The following DYNC2H1 variants were observed in gnomAD, a reference collection of about 807,000 sequenced individuals.
DYNC2H1 encodes the protein cytoplasmic dynein 2 heavy chain 1.
In DYNC2H1, 410 loss-of-function variants were observed where a neutral mutation model predicts 570.0. The observed-to-expected ratio is 0.72, with a 90% CI of 0.66 to 0.78. The LOEUF is 0.78. Ranked by LOEUF, DYNC2H1 falls within the 30% of genes least tolerant of loss-of-function variation. The pLI is 0.00. For missense variants in DYNC2H1, 4,865 were observed against 5,046.4 expected, an observed-to-expected ratio of 0.96 and a Z score of 1.09; for synonymous variants, 1,688 against 1,677.6, an observed-to-expected ratio of 1.01 and a Z score of -0.15.
chr11:103,253,270 G>GTT lies in DYNC2H1; in HGVS notation c.10043-8_10043-7dup. 6.3e-7 allele frequency: 1 copy of GTT among 1,584,660 alleles called. No individual in the cohort carries two copies. On this transcript the variant is annotated splice_polypyrimidine_tract_variant and intron_variant, in intron 65 of 88. Coordinates refer to ENST00000375735, the MANE Select transcript of DYNC2H1 (RefSeq NM_001377.3). ...GAAGATTCAGACCAACCAATTGTGT[G>GTT]TTTTTTTTAAATAGGACCACGTTAT...
At chr11:103,167,369 G>T (rs1480606272) in intron 31 of DYNC2H1, among the ~76,000 whole-genome samples, 1 of 151,792 alleles carries the variant, frequency 6.6e-6, no homozygotes, top group Non-Finnish European at 1.5e-5. Context: ...CTGAGCTCAA[G>T]CAATTTTCCC....
rs1401051427 is a variant in DYNC2H1 at position 103,133,340 on chromosome 11, G to A, written c.1954-215G>A. ...ACCTTATGCTTGTTTGTTGTGTTAT[G>A]TCTAGGGCTTTTTAGTTGTAAAAGG... On this transcript the variant is annotated intron_variant, in intron 13 of 88. Coordinates refer to ENST00000375735, the MANE Select transcript of DYNC2H1 (RefSeq NM_001377.3). The surrounding 1 kb of genome is among the most constrained non-coding windows in gnomAD (Gnocchi z 4.8). Among the ~76,000 whole-genome samples the A allele has an allele frequency of 6.6e-6, 1 of 152,022 alleles. No individual in the cohort carries two copies. The highest frequency in any genetic ancestry group is 2.4e-5 in the African/African-American group (1 of 41,390).
intron 82 of DYNC2H1, among the ~76,000 whole-genome samples, chr11:103,336,670 GT>G (rs1242975926): frequency 6.6e-6 from 1 of 152,114 alleles, no homozygotes; most frequent in Non-Finnish European, 1.5e-5. Flanking sequence ...ATATTCCATT[GT>G]TTATGTGTAC....
In DYNC2H1 at chr11:103,312,005, G is replaced by T; in HGVS notation, c.11621G>T (p.Cys3874Phe). Residue 3874 changes from cysteine (C) to phenylalanine (F), a missense_variant, in exon 79 of 89, where the codon TGT (cysteine) becomes TTT (phenylalanine). Transcript: ENST00000375735. ...AGTCTTGCATGGTTTCATGCTGCAT[G>T]TCAAGAAAGAAGAAACTATATTCCT... ...LFSLAWFHAA[C>F]QERRNYIPQG... 6.2e-7 allele frequency: 1 copy of T among 1,612,082 alleles called. No homozygotes were observed. The highest frequency in any genetic ancestry group is 8.5e-7 in the Non-Finnish European group (1 of 1,179,348).
At chr11:103,450,778 A>G (rs1285294947) in intron 85 of DYNC2H1, among the ~76,000 whole-genome samples, 3 of 152,210 alleles carry the variant, frequency 2.0e-5, no homozygotes, top group African/African-American at 4.8e-5. Context: ...GTTTATAAAT[A>G]ACATTGTCTT....
chr11:103,418,309 G>T (rs1943360883), intron 84 of DYNC2H1, among the ~76,000 whole-genome samples: 1 of 152,188 alleles, frequency 6.6e-6, no homozygotes, highest in South Asian at 2.1e-4. Flanking sequence ...GAGCTAGTAA[G>T]AGTTTGTTTA....
At chr11:103,478,378 T>G (rs904843688) in intron 88 of DYNC2H1, among the ~76,000 whole-genome samples, 3 of 152,196 alleles carry the variant, frequency 2.0e-5, no homozygotes, top group African/African-American at 7.2e-5. Context: ...TTGTGTAACC[T>G]TGAATGAAAA....
rs571051004 is a variant in DYNC2H1, at chr11:103,430,023, A to G, written c.12367-5920A>G. 5.3e-5 allele frequency among the ~76,000 whole-genome samples: 8 copies of G among 152,310 alleles called. No homozygotes were observed. The East Asian group carries it at 1.2e-3, about 22-fold the overall frequency. ...AAAATCCAATGTTGGTTTAACTTCAATAGTCTGCAGATAATGGATTACTGG... is the reference window on the plus strand; with the variant it reads ...AAAATCCAATGTTGGTTTAACTTCAGTAGTCTGCAGATAATGGATTACTGG... On this transcript the variant is annotated intron_variant, in intron 84 of 88. Transcript: ENST00000375735.
Position 103,116,627 on chromosome 11 carries a change from A to G in DYNC2H1, c.679A>G (p.Thr227Ala), listed in dbSNP as rs1858413239. 6.2e-7 allele frequency: 1 copy of G among 1,609,640 alleles called. No individual in the cohort carries two copies. The highest frequency in any genetic ancestry group is 8.5e-7 in the Non-Finnish European group (1 of 1,177,514). Reference sequence around the variant, plus strand: ...AGAAGTTGTTGACTTGGTGGAGACTACTCAGGATGTTGTAGATGATGTGTG... The same window carrying G: ...AGAAGTTGTTGACTTGGTGGAGACTGCTCAGGATGTTGTAGATGATGTGTG... Reference protein sequence around the residue: ...LLEVVDLVETTQDVVDDVWRQ... With the variant: ...LLEVVDLVETAQDVVDDVWRQ... The change falls in exon 5 of 89, where the codon ACT becomes GCT. Residue 227 changes from threonine to alanine, a missense_variant. This residue lies in a region of DYNC2H1 where 1,936 missense variants were observed against 1,962.1 expected (regional missense o/e 0.99). Coordinates refer to ENST00000375735, the MANE Select transcript of DYNC2H1 (RefSeq NM_001377.3).
chr11:103,429,423 G>T (rs959525940), intron 84 of DYNC2H1, among the ~76,000 whole-genome samples: 3 of 151,236 alleles, frequency 2.0e-5, no homozygotes, highest in African/African-American at 7.3e-5. Context: ...TCCTTAGTTT[G>T]CTCATGTACC....
At chr11:103,271,695 C>G (rs17304369) in intron 70 of DYNC2H1, among the ~76,000 whole-genome samples, 16,950 of 152,152 alleles carry the variant, frequency 0.11, 975 homozygotes, top group Non-Finnish European at 0.12. Context: ...CTTACATATA[C>G]TGCCATTTAA....
intron 82 of DYNC2H1, among the ~76,000 whole-genome samples, chr11:103,344,570 C>T (rs1199384029): frequency 6.6e-6 from 1 of 152,164 alleles, no homozygotes; most frequent in South Asian, 2.1e-4. Context: ...ATCTGAATGG[C>T]TTAGTCTATT....
At position 103,312,041 on chromosome 11, in the gene DYNC2H1, A is replaced by G. The variant is rs375937314; in HGVS notation, c.11649+8A>G. The G allele has an allele frequency of 1.3e-5, 21 of 1,603,520 alleles. No homozygotes were observed. The highest frequency in any genetic ancestry group is 1.7e-5 in the Non-Finnish European group (20 of 1,177,230). The stretch of plus-strand genomic sequence containing the variant: ...AGAAACTATATTCCTCAGGTAAGTA[A>G]GAACATGTCTTGAATACATTCTAAG... On this transcript the variant is annotated splice_region_variant and intron_variant, in intron 79 of 88. Transcript: ENST00000375735.
At chr11:103,238,303 C>G (rs1864298550) in intron 63 of DYNC2H1, among the ~76,000 whole-genome samples, 1 of 152,128 alleles carries the variant, frequency 6.6e-6, no homozygotes, top group South Asian at 2.1e-4. Context: ...GGTGTAGTGG[C>G]TCATGCTTGT....
intron 84 of DYNC2H1, among the ~76,000 whole-genome samples, chr11:103,423,194 T>A (rs1473275489): frequency 6.6e-6 from 1 of 151,662 alleles, no homozygotes; most frequent in Non-Finnish European, 1.5e-5. Context: ...GGAATGAAGA[T>A]CAGTGGAATG....
chr11:103,146,806 G>A (rs1860264364), intron 18 of DYNC2H1, among the ~76,000 whole-genome samples: 1 of 152,058 alleles, frequency 6.6e-6, no homozygotes, highest in South Asian at 2.1e-4. Flanking sequence ...GTCTCACCAT[G>A]TGGGCCAGGC....
rs1940770541 is a variant in DYNC2H1, at chr11:103,363,829, T to C, written c.12156+5470T>C. The stretch of plus-strand genomic sequence containing the variant: ...TGTTTAAGGGGAGAAAACACTATTA[T>C]ATAAAAGGTAAACACCAGCTAGGCT... On this transcript the variant is annotated intron_variant, in intron 83 of 88. Coordinates refer to ENST00000375735, the MANE Select transcript of DYNC2H1 (RefSeq NM_001377.3). The surrounding 1 kb of genome is among the most constrained non-coding windows in gnomAD (Gnocchi z 5.6). Among the ~76,000 whole-genome samples, 1 of 152,328 alleles carries C rather than the reference T, an allele frequency of 6.6e-6. No individual in the cohort carries two copies. Among genetic ancestry groups the C allele is most frequent in the African/African-American group, 2.4e-5 (1 of 41,576 alleles).
chr11:103,362,660 T>A (rs965681032), intron 83 of DYNC2H1, among the ~76,000 whole-genome samples: 1 of 152,208 alleles, frequency 6.6e-6, no homozygotes, highest in Non-Finnish European at 1.5e-5. Context: ...CTTGCCTTAG[T>A]TGACCAAATA....
chr11:103,120,964 C>A lies in DYNC2H1; in HGVS notation c.1288C>A (p.Arg430Ser). Reference protein sequence around the residue: ...AFLKYKELVKRPTISKELMLE... With the variant: ...AFLKYKELVKSPTISKELMLE... ...CCTGAAATATAAAGAGTTGGTAAAG[C>A]GTCCAACTATAAGCAAAGAATTGAT... Residue 430 changes from arginine (R) to serine (S), a missense_variant, in exon 9 of 89, where the codon CGT becomes AGT. Coordinates refer to ENST00000375735, the MANE Select transcript of DYNC2H1 (RefSeq NM_001377.3). 1 of 1,567,586 alleles carries A rather than the reference C, an allele frequency of 6.4e-7. No homozygotes were observed.
Sources: gnomAD v4.1 joint callset for allele counts (sites outside exome capture counted in the v4.1 genomes callset) on GRCh38, gnomAD v4.1.1 for gene constraint, gnomAD v4.1.1 regional missense constraint, Gnocchi (gnomAD v3.1) non-coding constraint, MANE v1.5 for transcripts, NCBI Gene and HGNC (gene_info 2026-07-23, HGNC 2026-07-21) for gene names.